The following IL1RAPL1 variants were observed in gnomAD, a reference collection of about 807,000 sequenced individuals.
IL1RAPL1 encodes the protein interleukin 1 receptor accessory protein like 1.
IL1RAPL1 carries 3 observed loss-of-function variants against 48.4 expected under a neutral mutation model. That is an observed-to-expected ratio of 0.06 (90% CI 0.03 to 0.16). The LOEUF is 0.16. Ranked by LOEUF, IL1RAPL1 falls within the 10% of genes least tolerant of loss-of-function variation. The pLI is 1.00. For synonymous variants in IL1RAPL1, 185 were observed against 187.7 expected (o/e 0.99, Z 0.12); for missense variants, 349 against 530.6 (o/e 0.66, Z 3.36).
At chrX:28,667,358 G>A (rs1262644472) in intron 1 of IL1RAPL1, among the ~76,000 whole-genome samples, 1 of 111,896 alleles carries the variant, frequency 8.9e-6, no homozygotes, top group Non-Finnish European at 1.9e-5. Flanking sequence ...TTGTACTGCA[G>A]CTCTAAAGTA....
intron 2 of IL1RAPL1, among the ~76,000 whole-genome samples, chrX:29,191,495 C>G (rs1332074279): frequency 8.9e-6 from 1 of 111,761 alleles, no homozygotes; most frequent in East Asian, 2.8e-4. Flanking sequence ...CCCCACCTCC[C>G]CATCAGTCTG....
chrX:29,667,327 C>T (rs889922443), intron 5 of IL1RAPL1, among the ~76,000 whole-genome samples: 11 of 112,082 alleles, frequency 9.8e-5, no homozygotes, highest in African/African-American at 3.6e-4. Flanking sequence ...AGGCAAGCTG[C>T]TAAAGCTTGA....
chrX:28,848,460 CTG>C (rs1382991075), intron 2 of IL1RAPL1, among the ~76,000 whole-genome samples: 1 of 108,684 alleles, frequency 9.2e-6, no homozygotes, highest in East Asian at 2.9e-4. Context: ...TTTTTCTCAA[CTG>C]TGTATTTTAA....
intron 5 of IL1RAPL1, among the ~76,000 whole-genome samples, chrX:29,613,690 ATGGGAGAAGC>A: frequency 9.7e-6 from 1 of 103,267 alleles, no homozygotes; most frequent in Non-Finnish European, 2.0e-5. Flanking sequence ...GGTAGGACAA[ATGGGAGAAGC>A]TGGGTTTTTT....
At chrX:29,283,251 G>C in intron 3 of IL1RAPL1, 34 bp downstream of exon 3, 2 of 1,180,065 alleles carry the variant, frequency 1.7e-6, no homozygotes, top group Non-Finnish European at 2.3e-6. Context: ...CTGAATCAAA[G>C]AAAGCACAGG....
intron 3 of IL1RAPL1, among the ~76,000 whole-genome samples, chrX:29,329,062 C>T (rs962752658): frequency 1.9e-4 from 21 of 111,117 alleles, no homozygotes; most frequent in African/African-American, 6.2e-4. Flanking sequence ...ATTTATAGAT[C>T]TTACATTATC....
chrX:29,837,178 G>A (rs1286367930), intron 6 of IL1RAPL1, among the ~76,000 whole-genome samples: 10 of 102,934 alleles, frequency 9.7e-5, no homozygotes, highest in Non-Finnish European at 1.6e-4. Flanking sequence ...TGGAAGAATC[G>A]CGTGAACCCG....
intron 2 of IL1RAPL1, among the ~76,000 whole-genome samples, chrX:29,282,049 G>C (rs771513369): frequency 9.0e-6 from 1 of 111,076 alleles, no homozygotes; most frequent in African/African-American, 3.3e-5. Context: ...CCCATCAAGA[G>C]CCTCGTTCTC....
At chrX:29,277,129 A>G (rs1932132219) in intron 2 of IL1RAPL1, among the ~76,000 whole-genome samples, 1 of 112,421 alleles carries the variant, frequency 8.9e-6, no homozygotes, top group Middle Eastern at 4.2e-3. Context: ...GATTTTACCT[A>G]TCTGCATCAG....
At chrX:28,972,016 A>G (rs1925088583) in intron 2 of IL1RAPL1, among the ~76,000 whole-genome samples, 1 of 109,726 alleles carries the variant, frequency 9.1e-6, no homozygotes, top group Admixed American at 9.8e-5. Context: ...ACATCCTGTC[A>G]TGGCCACCAC....
intron 2 of IL1RAPL1, among the ~76,000 whole-genome samples, chrX:29,064,429 G>A (rs1292548207): frequency 9.0e-6 from 1 of 110,603 alleles, no homozygotes; most frequent in African/African-American, 3.3e-5. Context: ...TGTGCTTCCT[G>A]ATGCTCTATT....
At chrX:29,837,298 T>TACACACACAC (rs1212984543) in intron 6 of IL1RAPL1, among the ~76,000 whole-genome samples, 9 of 70,291 alleles carry the variant, frequency 1.3e-4, no homozygotes, top group African/African-American at 6.3e-4. Context: ...TATATATATA[T>TACACACACAC]ATACACACAC....
At chrX:29,504,751 G>A (rs923171394) in intron 5 of IL1RAPL1, among the ~76,000 whole-genome samples, 1 of 112,220 alleles carries the variant, frequency 8.9e-6, no homozygotes, top group East Asian at 2.8e-4. Context: ...AATTCTTGAA[G>A]GCAGCATATG....
At chrX:28,883,953 T>C (rs1010938574) in intron 2 of IL1RAPL1, among the ~76,000 whole-genome samples, 2 of 111,847 alleles carry the variant, frequency 1.8e-5, no homozygotes, top group African/African-American at 6.5e-5. Context: ...AAAGACATGT[T>C]ACACTTTTGT....
At chrX:28,664,174 A>T (rs1053709700) in intron 1 of IL1RAPL1, among the ~76,000 whole-genome samples, 7 of 112,541 alleles carry the variant, frequency 6.2e-5, no homozygotes, top group African/African-American at 3.2e-5. Flanking sequence ...AATGTAACTA[A>T]CATTTTAAAC....
chrX:29,631,560 G>A (rs1924775306), intron 5 of IL1RAPL1, among the ~76,000 whole-genome samples: 1 of 112,393 alleles, frequency 8.9e-6, no homozygotes, highest in African/African-American at 3.2e-5. Flanking sequence ...GGGATTACAG[G>A]CATGACCCAC....
chrX:29,901,213 C>T (rs1444186493), intron 6 of IL1RAPL1, among the ~76,000 whole-genome samples: 1 of 111,822 alleles, frequency 8.9e-6, no homozygotes, highest in African/African-American at 3.3e-5. Flanking sequence ...CGGTCTCAGG[C>T]ACATGGCCAC....
At chrX:28,677,223 T>C (rs1935008910) in intron 1 of IL1RAPL1, among the ~76,000 whole-genome samples, 1 of 112,113 alleles carries the variant, frequency 8.9e-6, no homozygotes, top group South Asian at 3.7e-4. Context: ...ATATTATCTT[T>C]AATGCCAGCA....
chrX:28,964,327 A>G (rs1462607328), intron 2 of IL1RAPL1, among the ~76,000 whole-genome samples: 1 of 111,614 alleles, frequency 9.0e-6, no homozygotes, highest in Non-Finnish European at 1.9e-5. Context: ...TTTTTTACAT[A>G]AATCATATCA....
Sources: allele counts gnomAD v4.1 joint callset (sites outside exome capture counted in the v4.1 genomes callset), GRCh38; gene constraint gnomAD v4.1.1; transcripts MANE v1.5; gene names NCBI Gene and HGNC (gene_info 2026-07-23, HGNC 2026-07-21).